SPTBN1: variants seen among roughly 807,000 people sequenced by gnomAD.
The protein encoded by SPTBN1 is spectrin beta, non-erythrocytic 1.
A neutral mutation model predicts 266.4 loss-of-function variants in SPTBN1; 32 were observed. The ratio of observed to expected loss-of-function variants is 0.12; its 90% CI spans 0.09 to 0.16. The LOEUF is 0.16. Among genes scored for constraint, SPTBN1 ranks in the 10% least tolerant of loss-of-function variants. The pLI is 1.00. For synonymous variants in SPTBN1, 1,336 were observed against 1,162.2 expected (o/e 1.15, Z -3.04); for missense variants, 2,296 against 3,067.1 (o/e 0.75, Z 5.94).
chr2:54,622,968 A>C (rs1678092204), intron 9 of SPTBN1, among the ~76,000 whole-genome samples: 1 of 152,350 alleles, frequency 6.6e-6, no homozygotes, highest in Admixed American at 6.5e-5. Flanking sequence ...CAGGTTTTGC[A>C]ACCCAAAAAA....
chr2:54,608,757 G>A (rs1246103839), intron 3 of SPTBN1, among the ~76,000 whole-genome samples: 1 of 151,780 alleles, frequency 6.6e-6, no homozygotes, highest in South Asian at 2.1e-4. Context: ...GGGTTTAGGG[G>A]CACCAACCCC....
At chr2:54,563,005 G>A (rs565159909) in intron 2 of SPTBN1, among the ~76,000 whole-genome samples, 18 of 152,168 alleles carry the variant, frequency 1.2e-4, no homozygotes, top group Admixed American at 7.2e-4. Flanking sequence ...ATTTTGTCTG[G>A]TCTTTATAAC....
At chr2:54,469,036 T>C (rs1693782870) in intron 1 of SPTBN1, among the ~76,000 whole-genome samples, 2 of 152,228 alleles carry the variant, frequency 1.3e-5, no homozygotes, top group Admixed American at 6.5e-5. Context: ...CTGGATTCTT[T>C]ACAATTCTAT....
chr2:54,603,495 A>G (rs1036578406), intron 3 of SPTBN1, among the ~76,000 whole-genome samples: 1 of 152,138 alleles, frequency 6.6e-6, no homozygotes, highest in African/African-American at 2.4e-5. Flanking sequence ...CTAGTAGGCG[A>G]TATGGTGTGG....
rs1231672440 is a variant in SPTBN1, at chr2:54,628,800, A to G, written c.1799-133A>G. On this transcript the variant is annotated intron_variant, in intron 13 of 35. Coordinates refer to ENST00000356805, the MANE Select transcript of SPTBN1 (RefSeq NM_003128.3). This position sits in a 1 kb window ranked among gnomAD's most constrained non-coding sequence, Gnocchi z 4.3. ...AGAAGGTGCTCCATTGCCTTATCGCATGGCCCTGCATTTACATTTAGCAGT... is the reference window on the plus strand; with the variant it reads ...AGAAGGTGCTCCATTGCCTTATCGCGTGGCCCTGCATTTACATTTAGCAGT... The G allele has an allele frequency of 5.9e-6, 7 of 1,184,966 alleles. No individual in the cohort carries two copies. The East Asian group carries it at 1.5e-4, about 25-fold the overall frequency. 73.4% of individuals were successfully genotyped at this position (1,184,966 alleles called of 1,614,324 possible).
intron 35 of SPTBN1, 123 bp downstream of exon 35, chr2:54,667,769 C>T (rs1219793187): frequency 3.6e-6 from 3 of 832,154 alleles, no homozygotes; most frequent in Non-Finnish European, 5.9e-6. Flanking sequence ...TATCACTGGG[C>T]TCCAGTCACC....
chr2:54,652,981 C>T (rs1680399766), intron 26 of SPTBN1: 1 of 152,066 alleles, frequency 6.6e-6, no homozygotes, highest in Non-Finnish European at 1.5e-5. Flanking sequence ...CCATTGGCTC[C>T]ATTTACCAAA....
intron 2 of SPTBN1, among the ~76,000 whole-genome samples, chr2:54,547,788 G>C (rs1274874806): frequency 6.6e-6 from 1 of 152,148 alleles, no homozygotes. Flanking sequence ...AGGTGAGCTT[G>C]GCAGGTATTA....
At chr2:54,459,027 A>G (rs1434470340) in intron 1 of SPTBN1, among the ~76,000 whole-genome samples, 1 of 152,176 alleles carries the variant, frequency 6.6e-6, no homozygotes, top group African/African-American at 2.4e-5. Flanking sequence ...CGTGTTGCGT[A>G]CAGATTTTTA....
intron 2 of SPTBN1, among the ~76,000 whole-genome samples, chr2:54,535,971 G>A (rs2104376881): frequency 6.6e-6 from 1 of 152,362 alleles, no homozygotes; most frequent in South Asian, 2.1e-4. Flanking sequence ...AGTGAGCCAA[G>A]ATTGCGCCAT....
intron 1 of SPTBN1, among the ~76,000 whole-genome samples, chr2:54,502,575 T>A (rs1338466176): frequency 1.3e-5 from 2 of 152,216 alleles, no homozygotes; most frequent in African/African-American, 4.8e-5. Context: ...TGCCTACTTT[T>A]CCTGCAAGGT....
chr2:54,522,680 A>G (rs866799146), intron 1 of SPTBN1, among the ~76,000 whole-genome samples: 1 of 107,946 alleles, frequency 9.3e-6, no homozygotes, highest in Non-Finnish European at 1.9e-5. Flanking sequence ...GAGAGAGAGG[A>G]GAGAGAGAGA....
At chr2:54,562,522 C>CTTTTCTTTTTCTTT (rs766625359) in intron 2 of SPTBN1, among the ~76,000 whole-genome samples, 14 of 42,292 alleles carry the variant, frequency 3.3e-4, no homozygotes, top group African/African-American at 1.9e-3. Flanking sequence ...GCTTACTTTT[C>CTTTTCTTTTTCTTT]TTTTCTTTTT....
chr2:54,623,442 T>TC (rs1678124580), intron 9 of SPTBN1, 37 bp from the exon 10 acceptor site: 1 of 1,592,852 alleles, frequency 6.3e-7, no homozygotes, highest in Non-Finnish European at 8.6e-7. Flanking sequence ...AATTTTTTTT[T>TC]CTCCAGTACC....
At chr2:54,468,271 C>T (rs185840680) in intron 1 of SPTBN1, among the ~76,000 whole-genome samples, 3 of 150,988 alleles carry the variant, frequency 2.0e-5, no homozygotes, top group Non-Finnish European at 2.9e-5. Flanking sequence ...CGCACCATTG[C>T]GCTCCAGCCT....
intron 24 of SPTBN1, among the ~76,000 whole-genome samples, chr2:54,648,566 T>G (rs545306299): frequency 2.6e-5 from 4 of 152,338 alleles, no homozygotes; most frequent in South Asian, 2.1e-4. Flanking sequence ...TTGCATTAAC[T>G]TATTTTCTCT....
intron 2 of SPTBN1, among the ~76,000 whole-genome samples, chr2:54,537,893 T>G (rs1024285635): frequency 6.6e-6 from 1 of 152,212 alleles, no homozygotes; most frequent in African/African-American, 2.4e-5. Flanking sequence ...CAGGCTTTAC[T>G]CAAATGTCTA....
At chr2:54,611,595 ACT>A (rs1677218891) in intron 3 of SPTBN1, among the ~76,000 whole-genome samples, 1 of 152,052 alleles carries the variant, frequency 6.6e-6, no homozygotes, top group Admixed American at 6.6e-5. Flanking sequence ...ATTGCACTAC[ACT>A]CATTTTTTTC....
chr2:54,553,881 A>C (rs921784541), intron 2 of SPTBN1, among the ~76,000 whole-genome samples: 4 of 152,162 alleles, frequency 2.6e-5, no homozygotes, highest in African/African-American at 9.7e-5. Context: ...CTTTCCCCTC[A>C]AGACTGTGTA....
Sources: gnomAD v4.1 joint callset for allele counts (sites outside exome capture counted in the v4.1 genomes callset) on GRCh38, gnomAD v4.1.1 for gene constraint, Gnocchi (gnomAD v3.1) non-coding constraint, MANE v1.5 for transcripts, NCBI Gene and HGNC (gene_info 2026-07-23, HGNC 2026-07-21) for gene names.